The following PCDH9 variants were observed in gnomAD, a reference collection of about 807,000 sequenced individuals.
PCDH9 encodes the protein protocadherin 9, also known as protocadherin-9.
In PCDH9, 24 loss-of-function variants were observed where a neutral mutation model predicts 70.6. The observed-to-expected ratio is 0.34, with a 90% CI of 0.25 to 0.48. The LOEUF (loss-of-function observed/expected upper bound fraction) is 0.48. Ranked by LOEUF, PCDH9 falls within the 20% of genes least tolerant of loss-of-function variation. The pLI is 0.99. For missense variants in PCDH9, 1,281 were observed against 1,503.6 expected, an observed-to-expected ratio of 0.85 and a Z score of 2.45; for synonymous variants, 562 against 558.5, an observed-to-expected ratio of 1.01 and a Z score of -0.09.
chr13:67,015,764 T>A (rs1375205923), intron 2 of PCDH9, among the ~76,000 whole-genome samples: 1 of 152,210 alleles, frequency 6.6e-6, no homozygotes, highest in Non-Finnish European at 1.5e-5. Flanking sequence ...TGTCCTTGCA[T>A]AATTGTTCTC....
intron 2 of PCDH9, among the ~76,000 whole-genome samples, chr13:67,149,074 C>G (rs1334503020): frequency 6.6e-6 from 1 of 152,178 alleles, no homozygotes; most frequent in Non-Finnish European, 1.5e-5. Flanking sequence ...AGTTCCTGCT[C>G]TAACCTACTA....
chr13:66,900,679 T>C (rs2082262569), intron 3 of PCDH9, among the ~76,000 whole-genome samples: 1 of 151,770 alleles, frequency 6.6e-6, no homozygotes, highest in Non-Finnish European at 1.5e-5. Flanking sequence ...TCAGTCTCGG[T>C]TTTATTATGT....
At chr13:66,641,143 C>T (rs916711227) in intron 3 of PCDH9, among the ~76,000 whole-genome samples, 1 of 152,064 alleles carries the variant, frequency 6.6e-6, no homozygotes, top group African/African-American at 2.4e-5. Flanking sequence ...GAAGCTCCTT[C>T]CAGTAGTCCT....
intron 2 of PCDH9, among the ~76,000 whole-genome samples, chr13:67,050,687 C>G (rs952287865): frequency 6.6e-6 from 1 of 152,154 alleles, no homozygotes; most frequent in African/African-American, 2.4e-5. Flanking sequence ...AACAGTGACT[C>G]TGTCTAGCGT....
intron 2 of PCDH9, among the ~76,000 whole-genome samples, chr13:67,168,778 A>G (rs1188019586): frequency 1.3e-5 from 2 of 152,234 alleles, no homozygotes; most frequent in Admixed American, 6.5e-5. Context: ...AAATACTCAG[A>G]AAACACTCCC....
At chr13:67,045,420 C>T (rs995311106) in intron 2 of PCDH9, among the ~76,000 whole-genome samples, 3 of 152,072 alleles carry the variant, frequency 2.0e-5, no homozygotes, top group South Asian at 2.1e-4. Flanking sequence ...TCCATCTCCA[C>T]GTGTCTAGCC....
chr13:67,214,935 G>GGTATATATATATAT (rs1235937594), intron 2 of PCDH9: 1 of 89,248 alleles, frequency 1.1e-5, no homozygotes, highest in Non-Finnish European at 2.4e-5. Flanking sequence ...TTGCGAGCCA[G>GGTATATATATATAT]ATATATATAT....
chr13:66,516,214 A>C (rs1337932807), intron 4 of PCDH9, among the ~76,000 whole-genome samples: 1 of 152,034 alleles, frequency 6.6e-6, no homozygotes, highest in Non-Finnish European at 1.5e-5. Context: ...GAGTCTACTG[A>C]ATGCATATGA....
At chr13:66,487,217 A>C (rs1440278290) in intron 4 of PCDH9, among the ~76,000 whole-genome samples, 1 of 152,230 alleles carries the variant, frequency 6.6e-6, no homozygotes, top group Non-Finnish European at 1.5e-5. Context: ...CGTACTTTGA[A>C]TAGGTAAATA....
chr13:66,602,181 A>T (rs1442853149), intron 4 of PCDH9, among the ~76,000 whole-genome samples: 1 of 146,018 alleles, frequency 6.8e-6, no homozygotes, highest in Non-Finnish European at 1.5e-5. Context: ...ACTGACACTA[A>T]TGATAGCTGA....
chr13:66,472,184 C>G (rs1217850423), intron 4 of PCDH9, among the ~76,000 whole-genome samples: 1 of 145,600 alleles, frequency 6.9e-6, no homozygotes, highest in African/African-American at 2.5e-5. Context: ...CCCACTCCAG[C>G]CTGGGTGACA....
At chr13:66,534,109 C>A (rs1960585820) in intron 4 of PCDH9, among the ~76,000 whole-genome samples, 2 of 152,024 alleles carry the variant, frequency 1.3e-5, no homozygotes, top group South Asian at 4.2e-4. Context: ...ACTGAAAATG[C>A]AGCTAGCCCC....
At chr13:66,815,612 C>A (rs2080588871) in intron 3 of PCDH9, among the ~76,000 whole-genome samples, 1 of 151,980 alleles carries the variant, frequency 6.6e-6, no homozygotes, top group South Asian at 2.1e-4. Flanking sequence ...AAGACCGTGT[C>A]CTTTGCAGGA....
intron 2 of PCDH9, among the ~76,000 whole-genome samples, chr13:67,071,143 A>G (rs2085753984): frequency 6.6e-6 from 1 of 152,186 alleles, no homozygotes. Context: ...CGTAACAGAA[A>G]AAACAAGGAG....
intron 3 of PCDH9, among the ~76,000 whole-genome samples, chr13:66,637,239 C>T (rs2077650422): frequency 6.6e-6 from 1 of 152,020 alleles, no homozygotes; most frequent in African/African-American, 2.4e-5. Context: ...ATGGTTATGG[C>T]CTAATTTGCT....
At chr13:66,536,385 T>C (rs945682) in intron 4 of PCDH9, among the ~76,000 whole-genome samples, 2,857 of 152,216 alleles carry the variant, frequency 0.019, 98 homozygotes, top group African/African-American at 0.065. Flanking sequence ...AATCATTTGG[T>C]ACTATTTTTT....
At chr13:66,486,012 G>A (rs1430882524) in intron 4 of PCDH9, among the ~76,000 whole-genome samples, 1 of 152,098 alleles carries the variant, frequency 6.6e-6, no homozygotes, top group African/African-American at 2.4e-5. Context: ...ACAGGTGCGA[G>A]CCACTGTGCT....
At chr13:66,742,048 C>A (rs2079273694) in intron 3 of PCDH9, among the ~76,000 whole-genome samples, 2 of 92,048 alleles carry the variant, frequency 2.2e-5, no homozygotes, top group African/African-American at 3.9e-5. Context: ...AATCCTAAGC[C>A]AAAAGAACAA....
chr13:66,424,178 G>A (rs552835732), intron 4 of PCDH9, among the ~76,000 whole-genome samples: 38 of 152,078 alleles, frequency 2.5e-4, no homozygotes, highest in Non-Finnish European at 4.9e-4. Context: ...AATAAGAGAG[G>A]ACACAAACAA....
Sources: gnomAD v4.1 joint callset for allele counts (sites outside exome capture counted in the v4.1 genomes callset) on GRCh38, gnomAD v4.1.1 for gene constraint, MANE v1.5 for transcripts, NCBI Gene and HGNC (gene_info 2026-07-23, HGNC 2026-07-21) for gene names.